Variants in ABCD2 observed in about 807,000 individuals in gnomAD.
The protein encoded by ABCD2 is ATP binding cassette subfamily D member 2.
ABCD2 carries 36 observed loss-of-function variants against 70.9 expected under a neutral mutation model. That is an observed-to-expected ratio of 0.51 (90% CI 0.39 to 0.67). The LOEUF (loss-of-function observed/expected upper bound fraction) is 0.67, where lower values mean the gene tolerates loss of function less well. ABCD2 is among the 30% of genes least tolerant of loss of function. ABCD2 has a pLI of 0.00. For synonymous variants in ABCD2, 304 were observed against 306.9 expected, an observed-to-expected ratio of 0.99 and a Z score of 0.10; for missense variants, 729 against 890.2, an observed-to-expected ratio of 0.82 and a Z score of 2.30.
intron 9 of ABCD2, among the ~76,000 whole-genome samples, chr12:39,568,860 CT>C (rs1459050080): frequency 6.6e-6 from 1 of 152,230 alleles, no homozygotes; most frequent in Non-Finnish European, 1.5e-5. Context: ...GGACCCTCAA[CT>C]GCAGGTCTGT....
chr12:39,555,118 T>C (rs1488364693), intron 9 of ABCD2, among the ~76,000 whole-genome samples: 1 of 152,180 alleles, frequency 6.6e-6, no homozygotes, highest in Non-Finnish European at 1.5e-5. Flanking sequence ...CACAAGCTCA[T>C]GCAACCATCA....
intron 6 of ABCD2, among the ~76,000 whole-genome samples, chr12:39,590,262 T>C (rs1941727979): frequency 6.6e-6 from 1 of 152,194 alleles, no homozygotes; most frequent in Admixed American, 6.5e-5. Flanking sequence ...ATCTTCTAAA[T>C]ATTTCAGGTA....
At chr12:39,564,824 A>T (rs1941318446) in intron 9 of ABCD2, among the ~76,000 whole-genome samples, 1 of 152,148 alleles carries the variant, frequency 6.6e-6, no homozygotes, top group African/African-American at 2.4e-5. Flanking sequence ...TAAGGAAGGG[A>T]TCCAGTTTCA....
At chr12:39,534,926 AAGAAAGAAAGAAAGAAAG>A in the ABCD2 span, among the ~76,000 whole-genome samples, 5 of 151,212 alleles carry the variant, frequency 3.3e-5, no homozygotes, top group East Asian at 9.7e-4. Context: ...GAAAGAAAGA[AAGAAAGAAAGAAAGAAAG>A]AAAGAAAACA....
At chr12:39,607,745 G>GT (rs58771682) in intron 2 of ABCD2, 31 bp from the exon 3 acceptor site, 166,711 of 763,886 alleles carry the variant, frequency 0.22, 179 homozygotes, top group Non-Finnish European at 0.23. Context: ...CAAAACTTGA[G>GT]TTTTTTTTTT....
At chr12:39,571,742 G>T (rs544804072) in intron 9 of ABCD2, among the ~76,000 whole-genome samples, 1 of 152,290 alleles carries the variant, frequency 6.6e-6, no homozygotes, top group South Asian at 2.1e-4. Flanking sequence ...ATAGGAAAAA[G>T]CTTAGGAAAG....
chr12:39,619,692 T>G lies in ABCD2; in HGVS notation c.-77A>C. 7.6e-7 allele frequency: 1 copy of G among 1,310,728 alleles called. No individual in the cohort carries two copies. The allele number at this position is 1,310,728 out of a possible 1,614,324, so 81.2% of individuals were successfully genotyped here. The stretch of plus-strand genomic sequence containing the variant: ...GCTTCACAGAAATCCCCAGCAAATG[T>G]TTTAGAAAGTCCTACAGCGTCCCAT... On this transcript the variant is annotated 5_prime_UTR_variant, in exon 1 of 10. Transcript: ENST00000308666.
chr12:39,609,367 C>G (rs2120756647), intron 2 of ABCD2, among the ~76,000 whole-genome samples: 1 of 152,300 alleles, frequency 6.6e-6, no homozygotes, highest in South Asian at 2.1e-4. Context: ...ATAACTATCT[C>G]AAACAGCCCT....
At chr12:39,607,997 G>A (rs1941993600) in intron 2 of ABCD2, among the ~76,000 whole-genome samples, 1 of 151,944 alleles carries the variant, frequency 6.6e-6, no homozygotes, top group Non-Finnish European at 1.5e-5. Context: ...GTGAAACCTT[G>A]TCGCTACTAA....
chr12:39,590,150 GTTCAAGT>G (rs1301052222), intron 6 of ABCD2, among the ~76,000 whole-genome samples: 1 of 152,158 alleles, frequency 6.6e-6, no homozygotes, highest in Non-Finnish European at 1.5e-5. Context: ...TTTTGAGTCA[GTTCAAGT>G]TTCTGTAGTC....
intron 6 of ABCD2, among the ~76,000 whole-genome samples, 185 bp downstream of exon 6, chr12:39,600,386 T>A (rs1941879989): frequency 6.6e-6 from 1 of 152,164 alleles, no homozygotes; most frequent in African/African-American, 2.4e-5. Flanking sequence ...AAAGTGGTAT[T>A]GTCCTACAGA....
chr12:39,581,578 C>T (rs539793179), intron 7 of ABCD2, among the ~76,000 whole-genome samples: 4 of 152,242 alleles, frequency 2.6e-5, no homozygotes, highest in African/African-American at 9.6e-5. Context: ...GATTGAATTT[C>T]ATAGTATTTA....
chr12:39,586,778 T>C (rs1280074670), intron 6 of ABCD2, among the ~76,000 whole-genome samples: 1 of 152,238 alleles, frequency 6.6e-6, no homozygotes. Context: ...AATTCATCTA[T>C]AATTATTTGG....
the ABCD2 span, among the ~76,000 whole-genome samples, chr12:39,541,085 C>CT: frequency 6.6e-6 from 1 of 151,962 alleles, no homozygotes; most frequent in African/African-American, 2.4e-5. Flanking sequence ...AGGAGAAAAT[C>CT]TAGAGCCAAA....
intron 7 of ABCD2, among the ~76,000 whole-genome samples, chr12:39,580,601 C>A (rs548646158): frequency 6.6e-6 from 1 of 151,974 alleles, no homozygotes; most frequent in Non-Finnish European, 1.5e-5. Context: ...AATAAGCCTA[C>A]CTTAATTTTT....
Position 39,587,202 on chromosome 12 carries a change from T to C in ABCD2, c.1647-905A>G, listed in dbSNP as rs564589053. On this transcript the variant is annotated intron_variant, in intron 6 of 9. Coordinates refer to ENST00000308666, the MANE Select transcript of ABCD2 (RefSeq NM_005164.4). ...AGAAGACAGACAGAATAAACTATAGTACATCCGCTAAGCAGCTGTAATAAA... is the reference window on the plus strand; with the variant it reads ...AGAAGACAGACAGAATAAACTATAGCACATCCGCTAAGCAGCTGTAATAAA... Among the ~76,000 whole-genome samples the C allele has an allele frequency of 2.2e-4, 34 of 152,336 alleles. No homozygotes were observed. In the South Asian group the frequency reaches 7.0e-3, roughly 32 times the overall value.
chr12:39,589,836 A>G (rs990082214), intron 6 of ABCD2, among the ~76,000 whole-genome samples: 2 of 152,204 alleles, frequency 1.3e-5, no homozygotes, highest in African/African-American at 4.8e-5. Context: ...TTGTTTTATT[A>G]AAGTTCAATT....
chr12:39,572,528 C>T (rs531803556), intron 9 of ABCD2, among the ~76,000 whole-genome samples: 11 of 152,150 alleles, frequency 7.2e-5, no homozygotes, highest in Non-Finnish European at 1.5e-4. Context: ...AAGGTTTAAA[C>T]TGAGTGTGAA....
chr12:39,591,953 T>A (rs557379568), intron 6 of ABCD2, among the ~76,000 whole-genome samples: 123 of 152,276 alleles, frequency 8.1e-4, no homozygotes, highest in Non-Finnish European at 1.4e-3. Flanking sequence ...CTTTTATAAA[T>A]GAGCCCTTAG....
Sources: allele counts gnomAD v4.1 joint callset (sites outside exome capture counted in the v4.1 genomes callset), GRCh38; gene constraint gnomAD v4.1.1; transcripts MANE v1.5; gene names NCBI Gene and HGNC (gene_info 2026-07-23, HGNC 2026-07-21).